Variants in TOR1AIP2 observed in about 807,000 individuals in gnomAD.
The protein encoded by TOR1AIP2 is torsin 1A interacting protein 2.
Under a neutral mutation model 32.6 loss-of-function variants are expected in TOR1AIP2, and 20 were observed. The observed-to-expected ratio is 0.61, with a 90% CI of 0.43 to 0.89. The LOEUF is 0.89. Among genes scored for constraint, TOR1AIP2 ranks in the 40% least tolerant of loss-of-function variants. The probability of loss-of-function intolerance (pLI) is 0.00; values close to 1 mark genes in which losing one functional copy is unlikely to be tolerated. For missense variants in TOR1AIP2, 456 were observed against 553.8 expected, an observed-to-expected ratio of 0.82 and a Z score of 1.77; for synonymous variants, 214 against 210.8, an observed-to-expected ratio of 1.02 and a Z score of -0.13.
intron 2 of TOR1AIP2, among the ~76,000 whole-genome samples, chr1:179,871,386 A>T (rs1159993798): frequency 6.6e-6 from 1 of 152,254 alleles, no homozygotes. Context: ...TAGAAAATGT[A>T]GTTCTATTTA....
At chr1:179,847,695 C>G in intron 5 of TOR1AIP2, 59 bp from the exon 6 acceptor site, 1 of 1,099,964 alleles carries the variant, frequency 9.1e-7, no homozygotes, top group Non-Finnish European at 1.4e-6. Flanking sequence ...AGTATGTATA[C>G]CTTTATATCT....
At chr1:179,872,916 C>T (rs1697065546) in intron 2 of TOR1AIP2, among the ~76,000 whole-genome samples, 1 of 152,206 alleles carries the variant, frequency 6.6e-6, no homozygotes, top group South Asian at 2.1e-4. Flanking sequence ...TTTAGACTTA[C>T]AGAAAAGTTG....
chr1:179,865,972 G>A (rs1230386280), intron 2 of TOR1AIP2, 118 bp from the exon 3 acceptor site: 2 of 152,578 alleles, frequency 1.3e-5, no homozygotes, highest in Non-Finnish European at 1.5e-5. Context: ...TGTCTCATGG[G>A]TTTTCCCATG....
intron 3 of TOR1AIP2, chr1:179,859,685 A>G: frequency 1.0e-6 from 1 of 985,442 alleles, no homozygotes; most frequent in Non-Finnish European, 1.2e-6. Flanking sequence ...AAATGGGCCT[A>G]AACATTGTGA....
At chr1:179,861,711 T>G in intron 3 of TOR1AIP2, 4 of 985,396 alleles carry the variant, frequency 4.1e-6, no homozygotes, top group Non-Finnish European at 4.8e-6. Context: ...ACCAAATAAA[T>G]GGTACTATCT....
At chr1:179,860,830 G>A in intron 3 of TOR1AIP2, 1 of 985,444 alleles carries the variant, frequency 1.0e-6, no homozygotes, top group Non-Finnish European at 1.2e-6. Flanking sequence ...GGTTGCCAGG[G>A]AGACTGGAGA....
chr1:179,852,654 A>G lies in TOR1AIP2; in HGVS notation c.12T>C (p.Ser4=). 6.2e-7 allele frequency: 1 copy of G among 1,614,036 alleles called. No individual in the cohort carries two copies. Among genetic ancestry groups the G allele is most frequent in the Non-Finnish European group, 8.5e-7 (1 of 1,179,970 alleles). ...TACCCTCTTGAGGTTCCCTAAGTCCACTGTCGGCCATGTTTGTGTTCTATC... is the reference window on the plus strand; with the variant it reads ...TACCCTCTTGAGGTTCCCTAAGTCCGCTGTCGGCCATGTTTGTGTTCTATC... MAD[S]GLREPQEDSQ... Residue 4 remains serine, a synonymous_variant, in exon 4 of 7, where the codon AGT becomes AGC. Transcript: ENST00000609928.
chr1:179,853,752 G>GT (rs1345536509), intron 3 of TOR1AIP2, among the ~76,000 whole-genome samples: 1 of 152,092 alleles, frequency 6.6e-6, no homozygotes, highest in Non-Finnish European at 1.5e-5. Flanking sequence ...CTAGTGTATA[G>GT]TAAGAACTCC....
chr1:179,868,332 A>G (rs755165606), intron 2 of TOR1AIP2: 1 of 152,236 alleles, frequency 6.6e-6, no homozygotes, highest in Non-Finnish European at 1.5e-5. Context: ...CCACTAAAAT[A>G]TAAACTCCCT....
At chr1:179,855,858 T>C (rs1329317228) in intron 3 of TOR1AIP2, among the ~76,000 whole-genome samples, 1 of 152,196 alleles carries the variant, frequency 6.6e-6, no homozygotes, top group Non-Finnish European at 1.5e-5. Flanking sequence ...AATTAGGTTA[T>C]CTTTAAAAGT....
intron 5 of TOR1AIP2, among the ~76,000 whole-genome samples, chr1:179,848,141 C>T (rs778152519): frequency 6.6e-6 from 1 of 151,798 alleles, no homozygotes; most frequent in Non-Finnish European, 1.5e-5. Context: ...GAAATTCATT[C>T]AAGGATAATG....
At chr1:179,872,496 C>T (rs574881342) in intron 2 of TOR1AIP2, among the ~76,000 whole-genome samples, 54 of 152,248 alleles carry the variant, frequency 3.5e-4, no homozygotes, top group African/African-American at 2.4e-5. Flanking sequence ...CACAATTTTT[C>T]GTTTCTCTGT....
chr1:179,851,246 T>C lies in TOR1AIP2; in HGVS notation c.152A>G (p.Lys51Arg). The change falls in exon 5 of 7, where the codon AAA (lysine) becomes AGA (arginine). Residue 51 changes from lysine to arginine, a missense_variant. Physicochemically the swap from Lys to Arg is conservative, Grantham distance 26 (BLOSUM62 2). Coordinates refer to ENST00000609928, the MANE Select transcript of TOR1AIP2 (RefSeq NM_001199260.2). ...TTCTGTCTCTACCTCTTGGTGGTCT[T>C]TGCTAAGACCACAGGCAGAGTGTAG... ...EILHSACGLS[K>R]DHQEVETEGP... is the part of the protein sequence containing the mutation. 2 of 1,613,128 alleles carry C rather than the reference T, an allele frequency of 1.2e-6. No individual in the cohort carries two copies. Among genetic ancestry groups the C allele is most frequent in the Non-Finnish European group, 1.7e-6 (2 of 1,180,032 alleles).
chr1:179,861,195 C>T, intron 3 of TOR1AIP2: 3 of 985,410 alleles, frequency 3.0e-6, no homozygotes, highest in Non-Finnish European at 2.4e-6. Context: ...GTGTAGCTCA[C>T]ACTATTTAAA....
At chr1:179,847,798 C>T (rs918661177) in intron 5 of TOR1AIP2, among the ~76,000 whole-genome samples, 162 bp from the exon 6 acceptor site, 2 of 152,172 alleles carry the variant, frequency 1.3e-5, no homozygotes, top group African/African-American at 4.8e-5. Flanking sequence ...CTTTGGGAGG[C>T]TGAAACAGGT....
At chr1:179,862,864 G>GT (rs1417740105) in intron 3 of TOR1AIP2, 2 of 152,610 alleles carry the variant, frequency 1.3e-5, no homozygotes, top group East Asian at 3.9e-4. Context: ...GGAGGTGGAG[G>GT]TTACAGTAAG....
chr1:179,860,093 C>T, intron 3 of TOR1AIP2: 2 of 956,660 alleles, frequency 2.1e-6, no homozygotes, highest in Non-Finnish European at 2.5e-6. Context: ...AGCCATCCTC[C>T]TGCCTCAGCC....
chr1:179,867,408 T>TTTCC, intron 2 of TOR1AIP2: 1 of 152,150 alleles, frequency 6.6e-6, no homozygotes, highest in Non-Finnish European at 1.5e-5. Context: ...TCCCTGAGGG[T>TTTCC]CTGCTGACAA....
At position 179,842,200 on chromosome 1, in the gene TOR1AIP2, C is replaced by T. The variant is rs2148416224; in HGVS notation, c.*3871G>A. 1 of 141,290 alleles carries T rather than the reference C, an allele frequency of 7.1e-6. No individual in the cohort carries two copies. Among genetic ancestry groups the T allele is most frequent in the African/African-American group, 2.7e-5 (1 of 37,178 alleles). The allele number at this position is 141,290 out of a possible 1,614,324, so 8.8% of individuals were successfully genotyped here. On this transcript the variant is annotated 3_prime_UTR_variant, in exon 7 of 7. Coordinates refer to ENST00000609928, the MANE Select transcript of TOR1AIP2 (RefSeq NM_001199260.2). ...CTGGATAACAAGAGTGAAACTCTGT[C>T]TCAAAAAAAAAAAAAGGCTGTTAAA...
Sources: gnomAD v4.1 joint callset for allele counts (sites outside exome capture counted in the v4.1 genomes callset) on GRCh38, gnomAD v4.1.1 for gene constraint, MANE v1.5 for transcripts, NCBI Gene and HGNC (gene_info 2026-07-23, HGNC 2026-07-21) for gene names.